The following DNAH7 variants were observed in gnomAD, a reference collection of about 807,000 sequenced individuals.
DNAH7 encodes dynein axonemal heavy chain 7.
A neutral mutation model predicts 444.6 loss-of-function variants in DNAH7; 397 were observed. The observed-to-expected ratio is 0.89, with a 90% CI of 0.82 to 0.97. The LOEUF (loss-of-function observed/expected upper bound fraction) is 0.97. DNAH7 is among the 50% of genes least tolerant of loss of function. DNAH7 has a pLI of 0.00. For missense variants in DNAH7, 4,902 were observed against 4,800.8 expected (o/e 1.02, Z -0.62); for synonymous variants, 1,636 against 1,624.4 (o/e 1.01, Z -0.17).
At chr2:195,749,359 T>C (rs1693636538) in intron 63 of DNAH7, among the ~76,000 whole-genome samples, 1 of 150,140 alleles carries the variant, frequency 6.7e-6, no homozygotes, top group African/African-American at 2.4e-5. Flanking sequence ...TGTGGAGAAA[T>C]AGGAACACTT....
rs151076569 is a variant in DNAH7 at position 196,049,625 on chromosome 2, A to G, written c.142-1221T>C. 2.1e-3 allele frequency among the ~76,000 whole-genome samples: 315 copies of G among 152,350 alleles called. 1 individual carries two copies. Among genetic ancestry groups the G allele is most frequent in the African/African-American group, 7.1e-3 (295 of 41,588 alleles). ...AAATAATCCATAGCTCATTTTCTAA[A>G]TATCTGTTGAAAATATGATTTCCCT... On this transcript the variant is annotated intron_variant, in intron 3 of 64. Coordinates refer to ENST00000312428, the MANE Select transcript of DNAH7 (RefSeq NM_018897.3).
Position 195,747,695 on chromosome 2 carries a change from A to G in DNAH7, c.11764+6642T>C, listed in dbSNP as rs1305480091. Among the ~76,000 whole-genome samples the G allele has an allele frequency of 1.3e-5, 2 of 152,224 alleles. 1 individual carries two copies. The highest frequency in any genetic ancestry group is 2.9e-5 in the Non-Finnish European group (2 of 68,034). On this transcript the variant is annotated intron_variant, in intron 63 of 64. Transcript: ENST00000312428. ...GCTGGTTCCATATATGCAAATCAAT[A>G]AATGTAATCCAGCATATAAACAGAA...
intron 5 of DNAH7, among the ~76,000 whole-genome samples, chr2:196,034,987 G>C (rs1696293185): frequency 6.6e-6 from 1 of 152,150 alleles, no homozygotes; most frequent in Admixed American, 6.5e-5. Flanking sequence ...TTTGAGACCA[G>C]CCTGACCAAC....
chr2:195,833,120 G>T (rs1698153035), intron 48 of DNAH7, among the ~76,000 whole-genome samples: 2 of 152,138 alleles, frequency 1.3e-5, no homozygotes, highest in South Asian at 4.2e-4. Flanking sequence ...TTACAGTGAT[G>T]CACACACACA....
At chr2:195,914,299 A>T (rs971849080) in intron 24 of DNAH7, among the ~76,000 whole-genome samples, 1 of 152,224 alleles carries the variant, frequency 6.6e-6, no homozygotes, top group Non-Finnish European at 1.5e-5. Flanking sequence ...GATAGGTGAA[A>T]TTTAAGAATT....
rs527292488 is a variant in DNAH7 at position 195,798,397 on chromosome 2, C to T, written c.10353+899G>A. 1.5e-3 allele frequency among the ~76,000 whole-genome samples: 230 copies of T among 152,092 alleles called. 1 individual carries two copies. The highest frequency in any genetic ancestry group is 5.3e-3 in the African/African-American group (221 of 41,484). ...ACCACACTGTGTTATTTTAATTGTA[C>T]CAAATCGAAAAAATTCAACTCAGGA... is the stretch of plus-strand genomic sequence containing the variant. On this transcript the variant is annotated intron_variant, in intron 55 of 64. Coordinates refer to ENST00000312428, the MANE Select transcript of DNAH7 (RefSeq NM_018897.3).
intron 51 of DNAH7, among the ~76,000 whole-genome samples, chr2:195,810,407 A>G (rs1696910876): frequency 6.6e-6 from 1 of 151,898 alleles, no homozygotes; most frequent in Non-Finnish European, 1.5e-5. Flanking sequence ...TTTCCTTTTT[A>G]TTATTTATTT....
intron 1 of DNAH7, among the ~76,000 whole-genome samples, chr2:196,058,686 A>T (rs1450717903): frequency 1.3e-5 from 2 of 152,190 alleles, no homozygotes; most frequent in East Asian, 3.8e-4. Context: ...AAAAAAATTA[A>T]AGTTCTTGAT....
intron 27 of DNAH7, chr2:195,901,166 C>T (rs1335872894): frequency 6.6e-6 from 1 of 151,718 alleles, no homozygotes; most frequent in Non-Finnish European, 1.5e-5. Context: ...AGAAAGAAAA[C>T]AGAAAAAGTA....
At chr2:195,828,038 T>C (rs1419501602) in intron 48 of DNAH7, among the ~76,000 whole-genome samples, 1 of 152,194 alleles carries the variant, frequency 6.6e-6, no homozygotes, top group East Asian at 1.9e-4. Flanking sequence ...GCCAATCTAG[T>C]TTCATCCATT....
At chr2:195,868,089 CTTTT>C (rs58317384) in intron 40 of DNAH7, among the ~76,000 whole-genome samples, 4 of 101,058 alleles carry the variant, frequency 4.0e-5, no homozygotes, top group Admixed American at 1.2e-4. Flanking sequence ...TATTATTCAT[CTTTT>C]TTTTTTTTTT....
rs772536076 is a variant in DNAH7, at chr2:195,960,636, G to A, written c.2515C>T (p.Pro839Ser). The change falls in exon 18 of 65, where the codon CCT (proline) becomes TCT (serine). Residue 839 changes from proline to serine, a missense_variant. Transcript: ENST00000312428. Reference protein sequence around the residue: ...SKVEDFKQHIPLIQVICNPGL... With the variant: ...SKVEDFKQHISLIQVICNPGL... ...GGATTACAGATCACTTGAATGAGAG[G>A]AATGTGCTGCTTGAAATCTTCCACC... The A allele has an allele frequency of 1.2e-6, 2 of 1,614,090 alleles. No homozygotes were observed. The highest frequency in any genetic ancestry group is 1.7e-6 in the Non-Finnish European group (2 of 1,180,040).
At chr2:195,974,433 T>C (rs1052272466) in intron 15 of DNAH7, among the ~76,000 whole-genome samples, 1 of 152,188 alleles carries the variant, frequency 6.6e-6, no homozygotes. Flanking sequence ...TTTTTTAAAA[T>C]ATAGAAATAT....
At position 195,861,721 on chromosome 2, in the gene DNAH7, T is replaced by C; in HGVS notation, c.7732A>G (p.Arg2578Gly). The change falls in exon 42 of 65, where the codon AGA (arginine) becomes GGA (glycine). Residue 2578 changes from arginine to glycine, a missense_variant. By Grantham distance (125) the Arg-to-Gly change is moderately radical (BLOSUM62 -2). Coordinates refer to ENST00000312428, the MANE Select transcript of DNAH7 (RefSeq NM_018897.3). Reference protein sequence around the residue: ...STFKLLLEKKRSEVMKMKKRY... With the variant: ...STFKLLLEKKGSEVMKMKKRY... ...AATATGAAATTTGATTTTTACCTTCTTTTCTTTTCTAACAACAGTTTGAAG... is the reference window on the plus strand; with the variant it reads ...AATATGAAATTTGATTTTTACCTTCCTTTCTTTTCTAACAACAGTTTGAAG... 1.2e-6 allele frequency: 2 copies of C among 1,603,976 alleles called. No individual in the cohort carries two copies. The highest frequency in any genetic ancestry group is 2.2e-5 in the South Asian group (2 of 89,332).
At chr2:195,819,062 T>G (rs1382906717) in intron 49 of DNAH7, among the ~76,000 whole-genome samples, 2 of 151,984 alleles carry the variant, frequency 1.3e-5, no homozygotes, top group Non-Finnish European at 2.9e-5. Flanking sequence ...ATACACACTA[T>G]CTATGAAATG....
chr2:195,746,833 A>C (rs954750426), intron 63 of DNAH7, among the ~76,000 whole-genome samples: 4 of 152,194 alleles, frequency 2.6e-5, no homozygotes, highest in South Asian at 2.1e-4. Flanking sequence ...AATCTCTGGG[A>C]CACATTCAAA....
In DNAH7 at chr2:195,756,991, CA is replaced by C. The variant is rs113147791; in HGVS notation, c.11434-707del. ...TGGGTGACAAAGTGAGACCCTGTCT[CA>C]AAAAAAAAAAAAAGTTGTAGAGATG... On this transcript the variant is annotated intron_variant, in intron 61 of 64. Transcript: ENST00000312428. 6.8e-3 allele frequency among the ~76,000 whole-genome samples: 909 copies of C among 133,430 alleles called. 2 individuals are homozygous for C. Among genetic ancestry groups the C allele is most frequent in the African/African-American group, 0.012 (430 of 36,430 alleles). 87.5% of individuals were successfully genotyped at this position (133,430 alleles called of 152,430 possible). A position where few individuals can be genotyped will look rare whatever the true frequency, so the allele number is the denominator to read the frequency against.
chr2:195,982,031 C>G (rs1233028421), intron 15 of DNAH7, among the ~76,000 whole-genome samples: 1 of 152,116 alleles, frequency 6.6e-6, no homozygotes, highest in Non-Finnish European at 1.5e-5. Flanking sequence ...AGAGACAACC[C>G]AGAGCACGGG....
chr2:195,760,134 AC>A (rs1285518161), intron 61 of DNAH7, among the ~76,000 whole-genome samples: 1 of 151,974 alleles, frequency 6.6e-6, no homozygotes, highest in Non-Finnish European at 1.5e-5. Context: ...CTCCCTGTGA[AC>A]CTGTGATGAT....
Sources: gnomAD v4.1 joint callset for allele counts (sites outside exome capture counted in the v4.1 genomes callset) on GRCh38, gnomAD v4.1.1 for gene constraint, MANE v1.5 for transcripts, NCBI Gene and HGNC (gene_info 2026-07-23, HGNC 2026-07-21) for gene names.